Variants in AGPAT3 observed in about 807,000 individuals in gnomAD.
AGPAT3 encodes 1-acylglycerol-3-phosphate O-acyltransferase 3.
In AGPAT3, 5 loss-of-function variants were observed where a neutral mutation model predicts 47.3. That is an observed-to-expected ratio of 0.11 (90% CI 0.06 to 0.22). The LOEUF (loss-of-function observed/expected upper bound fraction) is 0.22. AGPAT3 is among the 10% of genes least tolerant of loss of function. AGPAT3 has a pLI of 1.00. For missense variants in AGPAT3, 315 were observed against 493.0 expected (o/e 0.64, Z 3.42); for synonymous variants, 212 against 208.3 (o/e 1.02, Z -0.15).
At chr21:43,919,546 A>G (rs1369934324) in intron 2 of AGPAT3, among the ~76,000 whole-genome samples, 1 of 152,174 alleles carries the variant, frequency 6.6e-6, no homozygotes, top group Non-Finnish European at 1.5e-5. Context: ...TCTTCGGTCC[A>G]TGGATGCTTT....
chr21:43,949,096 T>G (rs2088053292), intron 2 of AGPAT3, among the ~76,000 whole-genome samples: 1 of 152,206 alleles, frequency 6.6e-6, no homozygotes. Flanking sequence ...TCTTCCCTGT[T>G]TAGTTTTCCA....
At chr21:43,923,445 C>T (rs1219554450) in intron 2 of AGPAT3, among the ~76,000 whole-genome samples, 2 of 152,194 alleles carry the variant, frequency 1.3e-5, no homozygotes, top group African/African-American at 4.8e-5. Flanking sequence ...TGGATGTTTC[C>T]CCACAAGCAG....
At chr21:43,960,331 CGT>C in intron 3 of AGPAT3, among the ~76,000 whole-genome samples, 1 of 152,162 alleles carries the variant, frequency 6.6e-6, no homozygotes, top group Non-Finnish European at 1.5e-5. Context: ...TGCCTCTGTG[CGT>C]ATGTGTATTA....
intron 1 of AGPAT3, among the ~76,000 whole-genome samples, chr21:43,884,513 G>A (rs541757361): frequency 3.3e-5 from 5 of 152,300 alleles, no homozygotes; most frequent in African/African-American, 9.6e-5. Flanking sequence ...GTGCTATTGC[G>A]GGACATGGGG....
intron 2 of AGPAT3, among the ~76,000 whole-genome samples, chr21:43,905,454 C>T (rs1348373955): frequency 6.6e-6 from 1 of 152,084 alleles, no homozygotes; most frequent in African/African-American, 2.4e-5. Flanking sequence ...TCCCAAAGTG[C>T]TGGGATTACA....
intron 1 of AGPAT3, among the ~76,000 whole-genome samples, chr21:43,866,017 C>T (rs933145918): frequency 2.0e-5 from 3 of 151,492 alleles, no homozygotes; most frequent in East Asian, 3.9e-4. Context: ...GCCGTGGGGG[C>T]GAAAACCCAC....
At chr21:43,876,833 T>C (rs2085743842) in intron 1 of AGPAT3, among the ~76,000 whole-genome samples, 1 of 151,984 alleles carries the variant, frequency 6.6e-6, no homozygotes, top group Non-Finnish European at 1.5e-5. Flanking sequence ...CCAGTTTTTG[T>C]TTTGTTTTGT....
chr21:43,975,149 G>A lies in AGPAT3; in HGVS notation c.768-2897G>A, dbSNP rs546513781. On this transcript the variant is annotated intron_variant, in intron 7 of 9. Transcript: ENST00000291572. ...TGTGTGCTGGCATGTGGTATGTGTC[G>A]AGGTGTGCTGGTGTGTGGTGGGTGC... Among the ~76,000 whole-genome samples, 19 of 151,652 alleles carry A rather than the reference G, an allele frequency of 1.3e-4. No homozygotes were observed. In the South Asian group the frequency reaches 3.5e-3, roughly 28 times the overall value.
chr21:43,978,112 C>T lies in AGPAT3; in HGVS notation c.834C>T (p.Tyr278=), dbSNP rs775834879. 1 of 1,613,304 alleles carries T rather than the reference C, an allele frequency of 6.2e-7. No individual in the cohort carries two copies. Among genetic ancestry groups the T allele is most frequent in the South Asian group, 1.1e-5 (1 of 90,942 alleles). Residue 278 remains tyrosine, a synonymous_variant, in exon 8 of 10, where the codon TAC becomes TAT. Transcript: ENST00000291572. ...KEAAQWLHKL[Y]QEKDALQEIY... is the part of the protein sequence containing the mutation. ...CAGCTCAGTGGCTTCATAAACTGTA[C>T]CAGGAGAAGGTAAGCAGGCTCTGCT...
At position 43,985,229 on chromosome 21, in the gene AGPAT3, G is replaced by A. The variant is rs918495896; in HGVS notation, c.*2837G>A. On this transcript the variant is annotated 3_prime_UTR_variant, in exon 10 of 10. Coordinates refer to ENST00000291572, the MANE Select transcript of AGPAT3 (RefSeq NM_020132.5). The stretch of plus-strand genomic sequence containing the variant: ...ATTGCTGTCTTCATCGTCTTCCCCC[G>A]TGTGAGACACTGGTTGTCTGGTACT... 4.8e-5 allele frequency: 22 copies of A among 456,134 alleles called. No homozygotes were observed. The highest frequency in any genetic ancestry group is 2.6e-4 in the Admixed American group (11 of 42,552). The allele number at this position is 456,134 out of a possible 1,614,324, so 28.3% of individuals were successfully genotyped here.
chr21:43,880,960 AG>A lies in AGPAT3; in HGVS notation c.-112+15618del, dbSNP rs1328295737. 7.4e-6 allele frequency among the ~76,000 whole-genome samples: 1 copy of A among 134,712 alleles called. No individual in the cohort carries two copies. Among genetic ancestry groups the A allele is most frequent in the Non-Finnish European group, 1.7e-5 (1 of 60,530 alleles). The allele number at this position is 134,712 out of a possible 152,430, so 88.4% of individuals were successfully genotyped here. On this transcript the variant is annotated intron_variant, in intron 1 of 9. Transcript: ENST00000291572. The surrounding 1 kb of genome is among the most constrained non-coding windows in gnomAD (Gnocchi z 4.5). ...TTACAAGTTGGTCATTCTTAATGCC[AG>A]GGAGGGGGAAGAGAGAGAAAATGAG...
intron 2 of AGPAT3, among the ~76,000 whole-genome samples, chr21:43,941,122 C>T (rs1467908867): frequency 6.6e-6 from 1 of 152,190 alleles, no homozygotes; most frequent in Non-Finnish European, 1.5e-5. Context: ...CCAAAAACCC[C>T]AAGTCTGGGT....
In AGPAT3 at chr21:43,920,630, G is replaced by A. The variant is rs2086871058; in HGVS notation, c.-49+16611G>A. 6.6e-6 allele frequency among the ~76,000 whole-genome samples: 1 copy of A among 152,218 alleles called. No homozygotes were observed. Among genetic ancestry groups the A allele is most frequent in the African/African-American group, 2.4e-5 (1 of 41,514 alleles). ...AGGTGGAGTGGATCACCAGTGGCCG[G>A]TGTTCTGCTCGATCGTGCCTGTGTA... On this transcript the variant is annotated intron_variant, in intron 2 of 9. Transcript: ENST00000291572. This position sits in a 1 kb window ranked among gnomAD's most constrained non-coding sequence, Gnocchi z 6.1.
chr21:43,969,306 C>G, intron 5 of AGPAT3, 27 bp downstream of exon 5: 2 of 1,611,282 alleles, frequency 1.2e-6, no homozygotes, highest in Non-Finnish European at 1.7e-6. Flanking sequence ...GCCCGATACC[C>G]TGCATGCCTG....
intron 5 of AGPAT3, 62 bp downstream of exon 5, chr21:43,969,341 G>A (rs2089294961): frequency 1.8e-5 from 29 of 1,593,834 alleles, no homozygotes; most frequent in Non-Finnish European, 2.4e-5. Context: ...AACTCCTGAT[G>A]CACGGCTGCC....
rs373523124 is a variant in AGPAT3, at chr21:43,967,980, G to A, written c.213G>A (p.Thr71=). The part of the protein sequence containing the change: ...LVMLLEWWSC[T]ECTLFTDQAT... ...TGCTGCTGGAGTGGTGGTCCTGCAC[G>A]GAGTGTACACTGTTCACGGACCAGG... Residue 71 remains threonine (T), a synonymous_variant, in exon 4 of 10, where the codon ACG becomes ACA. Coordinates refer to ENST00000291572, the MANE Select transcript of AGPAT3 (RefSeq NM_020132.5). The A allele has an allele frequency of 2.2e-5, 36 of 1,613,794 alleles. No individual in the cohort carries two copies. The highest frequency in any genetic ancestry group is 1.5e-4 in the South Asian group (14 of 91,034).
chr21:43,975,384 C>T (rs1282591232), intron 7 of AGPAT3, among the ~76,000 whole-genome samples: 1 of 148,524 alleles, frequency 6.7e-6, no homozygotes, highest in Non-Finnish European at 1.5e-5. Flanking sequence ...TGGCATGTGT[C>T]GGTGTGTGCA....
rs996781752 is a variant in AGPAT3 at position 43,865,354 on chromosome 21, C to G, written c.-112+9C>G. 7.5e-5 allele frequency: 11 copies of G among 146,590 alleles called. No individual in the cohort carries two copies. Among genetic ancestry groups the G allele is most frequent in the African/African-American group, 2.7e-4 (11 of 40,802 alleles). 9.1% of individuals were successfully genotyped at this position (146,590 alleles called of 1,614,324 possible). On this transcript the variant is annotated intron_variant, in intron 1 of 9. Transcript: ENST00000291572. Reference sequence around the variant, plus strand: ...GGTGGCGGCGGCTGCAGGTGAGCACCGAGGCCCCCACCCGAGGTCGGGCCG... The same window carrying G: ...GGTGGCGGCGGCTGCAGGTGAGCACGGAGGCCCCCACCCGAGGTCGGGCCG...
At chr21:43,877,650 G>T (rs1385488234) in intron 1 of AGPAT3, among the ~76,000 whole-genome samples, 2 of 151,954 alleles carry the variant, frequency 1.3e-5, no homozygotes, top group African/African-American at 4.8e-5. Flanking sequence ...CTCCTTGTTG[G>T]TCAGGCTGGC....
Sources: allele counts gnomAD v4.1 joint callset (sites outside exome capture counted in the v4.1 genomes callset), GRCh38; gene constraint gnomAD v4.1.1; non-coding constraint Gnocchi (gnomAD v3.1); transcripts MANE v1.5; gene names NCBI Gene and HGNC (gene_info 2026-07-23, HGNC 2026-07-21).